WDR12: variants seen among roughly 807,000 people sequenced by gnomAD.
The protein encoded by WDR12 is ribosome biogenesis protein WDR12.
A neutral mutation model predicts 64.3 loss-of-function variants in WDR12; 42 were observed. The observed-to-expected ratio is 0.65, with a 90% CI of 0.51 to 0.84. The LOEUF (loss-of-function observed/expected upper bound fraction) is 0.84, where lower values mean the gene tolerates loss of function less well. WDR12 is among the 40% of genes least tolerant of loss of function. WDR12 has a pLI of 0.00. For synonymous variants in WDR12, 158 were observed against 173.3 expected, an observed-to-expected ratio of 0.91 and a Z score of 0.70; for missense variants, 469 against 494.6, an observed-to-expected ratio of 0.95 and a Z score of 0.49.
intron 1 of WDR12, among the ~76,000 whole-genome samples, chr2:202,909,186 G>C (rs1431476863): frequency 1.3e-5 from 2 of 152,140 alleles, no homozygotes; most frequent in African/African-American, 4.8e-5. Flanking sequence ...CCACTCCTAA[G>C]CATATATGCA....
intron 2 of WDR12, among the ~76,000 whole-genome samples, chr2:202,906,946 C>T (rs924402280): frequency 6.6e-6 from 1 of 151,502 alleles, no homozygotes; most frequent in Non-Finnish European, 1.5e-5. Context: ...ACACCTATCA[C>T]CAAACTTCAA....
intron 1 of WDR12, among the ~76,000 whole-genome samples, chr2:202,909,677 T>C (rs939412291): frequency 6.6e-6 from 1 of 152,212 alleles, no homozygotes; most frequent in Non-Finnish European, 1.5e-5. Context: ...ATGTATATAA[T>C]TCACATATAT....
At chr2:202,905,503 G>A (rs1688440981) in intron 2 of WDR12, among the ~76,000 whole-genome samples, 4 of 152,174 alleles carry the variant, frequency 2.6e-5, no homozygotes, top group South Asian at 2.1e-4. Context: ...TGGAGAAAAG[G>A]GACCCCTCAT....
intron 1 of WDR12, among the ~76,000 whole-genome samples, chr2:202,910,928 T>C (rs773998380): frequency 7.2e-5 from 11 of 152,276 alleles, no homozygotes; most frequent in African/African-American, 2.2e-4. Context: ...AATTAATATA[T>C]AGTCCCTGCC....
rs968934203 is a variant in WDR12, at chr2:202,877,365, G to A, written c.*3495C>T. 6.6e-6 allele frequency: 1 copy of A among 151,956 alleles called. No individual in the cohort carries two copies. The highest frequency in any genetic ancestry group is 2.4e-5 in the African/African-American group (1 of 41,394). The allele number at this position is 151,956 out of a possible 1,614,324, so 9.4% of individuals were successfully genotyped here. A position where few individuals can be genotyped will look rare whatever the true frequency, so the allele number is the denominator to read the frequency against. ...CAAGTAATTTCTTAAAACTTTATTT[G>A]GGCTGGGTGCGGTGGCTCATGCCTG... On this transcript the variant is annotated 3_prime_UTR_variant, in exon 13 of 13. Transcript: ENST00000261015.
intron 11 of WDR12, 184 bp from the exon 12 acceptor site, chr2:202,882,967 C>T (rs1236126294): frequency 5.9e-6 from 3 of 507,522 alleles, no homozygotes; most frequent in African/African-American, 3.9e-5. Context: ...TGGTAGACCA[C>T]AGACATTTAT....
intron 2 of WDR12, among the ~76,000 whole-genome samples, chr2:202,904,672 A>C (rs1688422479): frequency 6.6e-6 from 1 of 152,252 alleles, no homozygotes; most frequent in Admixed American, 6.5e-5. Context: ...AAGTCAAAAC[A>C]AAAGGGATTA....
intron 10 of WDR12, 51 bp from the exon 11 acceptor site, chr2:202,883,792 T>C: frequency 1.3e-6 from 2 of 1,565,958 alleles, no homozygotes; most frequent in Admixed American, 2.1e-5. Flanking sequence ...GGGAAGTAGG[T>C]AGAAGGAACC....
At chr2:202,893,793 C>T (rs1688193031) in intron 7 of WDR12, among the ~76,000 whole-genome samples, 1 of 152,134 alleles carries the variant, frequency 6.6e-6, no homozygotes, top group African/African-American at 2.4e-5. Flanking sequence ...AAAGCACCTT[C>T]CTCTCAAAGT....
intron 3 of WDR12, 48 bp downstream of exon 3, chr2:202,900,977 G>T: frequency 1.4e-6 from 2 of 1,479,822 alleles, no homozygotes; most frequent in Non-Finnish European, 1.9e-6. Context: ...ACCTACAATA[G>T]CCGATAATGC....
chr2:202,895,797 T>G (rs1320979670), intron 6 of WDR12, among the ~76,000 whole-genome samples: 3 of 151,764 alleles, frequency 2.0e-5, no homozygotes, highest in Non-Finnish European at 4.4e-5. Context: ...CCCAAAGTGC[T>G]GGGATTACAG....
rs1334279061 is a variant in WDR12, at chr2:202,878,897, G to C, written c.*1963C>G. The C allele has an allele frequency of 6.6e-6, 1 of 152,078 alleles. No individual in the cohort carries two copies. Among genetic ancestry groups the C allele is most frequent in the African/African-American group, 2.4e-5 (1 of 41,400 alleles). 9.4% of individuals were successfully genotyped at this position (152,078 alleles called of 1,614,324 possible). ...CTTTAAATATTTTTATATAACACATGCATAAAGATAAATGCTAATGATATC... is the reference window on the plus strand; with the variant it reads ...CTTTAAATATTTTTATATAACACATCCATAAAGATAAATGCTAATGATATC... On this transcript the variant is annotated 3_prime_UTR_variant, in exon 13 of 13. Coordinates refer to ENST00000261015, the MANE Select transcript of WDR12 (RefSeq NM_018256.4).
At chr2:202,886,228 G>T (rs1688045051) in intron 8 of WDR12, among the ~76,000 whole-genome samples, 1 of 151,744 alleles carries the variant, frequency 6.6e-6, no homozygotes, top group Admixed American at 6.6e-5. Context: ...AGGCCGAGGT[G>T]GGTGGATCAC....
intron 8 of WDR12, 55 bp from the exon 9 acceptor site, chr2:202,884,590 A>G (rs2105903379): frequency 6.5e-7 from 1 of 1,543,594 alleles, no homozygotes; most frequent in Non-Finnish European, 8.7e-7. Flanking sequence ...AATAATTGAA[A>G]CAATAATAGT....
chr2:202,882,762 A>AT lies in WDR12; in HGVS notation c.1142dup (p.Asp381GlufsTer6). ...GAACTTTGTCTTCATGAGCAGCCAG[A>AT]TCATAGAGAGGAGCCTTACAACTAA... On this transcript the variant is annotated frameshift_variant, in exon 12 of 13. Coordinates refer to ENST00000261015, the MANE Select transcript of WDR12 (RefSeq NM_018256.4). LOFTEE classifies it high-confidence loss of function. The AT allele has an allele frequency of 6.2e-7, 1 of 1,614,098 alleles. No homozygotes were observed.
chr2:202,896,857 G>C (rs1688253517), intron 5 of WDR12, among the ~76,000 whole-genome samples: 1 of 152,002 alleles, frequency 6.6e-6, no homozygotes, highest in Non-Finnish European at 1.5e-5. Context: ...CGTGATGGTA[G>C]GTGCCTGTAG....
intron 3 of WDR12, among the ~76,000 whole-genome samples, chr2:202,900,477 C>T (rs1355027658): frequency 6.6e-6 from 1 of 152,038 alleles, no homozygotes; most frequent in African/African-American, 2.4e-5. Context: ...GCACTTAATG[C>T]CACTGAATTG....
At chr2:202,903,501 AAGTG>A (rs1314147131) in intron 2 of WDR12, among the ~76,000 whole-genome samples, 2 of 74,816 alleles carry the variant, frequency 2.7e-5, no homozygotes, top group African/African-American at 8.5e-5. Flanking sequence ...GGAAGGAAGG[AAGTG>A]AGGGAGGGAG....
At chr2:202,897,171 TGAAAGACC>T in intron 5 of WDR12, 121 bp downstream of exon 5, 1 of 559,438 alleles carries the variant, frequency 1.8e-6, no homozygotes, top group Non-Finnish European at 3.2e-6. Context: ...CTGTATTTTT[TGAAAGACC>T]TCATAATAAC....
Sources: gnomAD v4.1 joint callset for allele counts (sites outside exome capture counted in the v4.1 genomes callset) on GRCh38, gnomAD v4.1.1 for gene constraint, MANE v1.5 for transcripts, NCBI Gene and HGNC (gene_info 2026-07-23, HGNC 2026-07-21) for gene names.